NUP98: variants seen among roughly 807,000 people sequenced by gnomAD.
The protein encoded by NUP98 is nuclear pore complex protein Nup98-Nup96.
A neutral mutation model predicts 191.9 loss-of-function variants in NUP98; 26 were observed. That is an observed-to-expected ratio of 0.14 (90% confidence interval 0.10 to 0.19). The LOEUF (loss-of-function observed/expected upper bound fraction) is 0.19. Ranked by LOEUF, NUP98 falls within the 10% of genes least tolerant of loss-of-function variation. NUP98 has a pLI of 1.00. For synonymous variants in NUP98, 808 were observed against 778.4 expected (o/e 1.04, Z -0.63); for missense variants, 1,941 against 2,178.8 (o/e 0.89, Z 2.17).
intron 12 of NUP98, among the ~76,000 whole-genome samples, chr11:3,736,670 C>A (rs1334628810): frequency 2.0e-5 from 3 of 152,102 alleles, no homozygotes; most frequent in Admixed American, 6.5e-5. Flanking sequence ...GACACATCAA[C>A]ATAGGTTATG....
At chr11:3,757,668 G>A (rs1395026525) in intron 10 of NUP98, among the ~76,000 whole-genome samples, 1 of 151,568 alleles carries the variant, frequency 6.6e-6, no homozygotes, top group Non-Finnish European at 1.5e-5. Context: ...GCGTGGTGGT[G>A]CATGCCTGTA....
intron 28 of NUP98, among the ~76,000 whole-genome samples, chr11:3,686,758 C>T (rs11029026): frequency 0.5 from 75,263 of 151,848 alleles, 20,303 homozygotes; most frequent in Admixed American, 0.69. Context: ...CTGAGGTGGG[C>T]GGATCACTTG....
intron 4 of NUP98, among the ~76,000 whole-genome samples, chr11:3,778,198 C>CAAAAAAAAA (rs71302029): frequency 3.0e-4 from 18 of 60,426 alleles, no homozygotes; most frequent in Non-Finnish European, 3.9e-4. Flanking sequence ...GACTCCATCT[C>CAAAAAAAAA]AAAAAAAAAA....
chr11:3,743,096 G>A (rs937226059), intron 12 of NUP98, among the ~76,000 whole-genome samples: 1 of 151,728 alleles, frequency 6.6e-6, no homozygotes, highest in African/African-American at 2.4e-5. Context: ...TCGGCTCACT[G>A]TAACCTCCAC....
Position 3,676,253 on chromosome 11 carries a change from A to G in NUP98, c.5309T>C (p.Ile1770Thr). 2 of 1,614,200 alleles carry G rather than the reference A, an allele frequency of 1.2e-6. No individual in the cohort carries two copies. Among genetic ancestry groups the G allele is most frequent in the Non-Finnish European group, 1.7e-6 (2 of 1,180,032 alleles). ...RVPLRLLAPH[I>T]GRLPMPEDYA... ...GTCCTCAGGCATGGGAAGCCGGCCA[A>G]TGTGGGGAGCCAAGAGGCGCAAAGG... Residue 1770 changes from isoleucine to threonine, a missense_variant, in exon 33 of 33, where the codon ATT becomes ACT. Transcript: ENST00000324932.
intron 1 of NUP98, among the ~76,000 whole-genome samples, chr11:3,782,569 C>T (rs1255124299): frequency 1.6e-5 from 2 of 122,054 alleles, no homozygotes; most frequent in East Asian, 4.5e-4. Context: ...AAAAAGCTAA[C>T]ATTTTTTTTT....
At chr11:3,689,631 A>G (rs888991745) in intron 28 of NUP98, among the ~76,000 whole-genome samples, 2 of 151,574 alleles carry the variant, frequency 1.3e-5, no homozygotes, top group African/African-American at 4.8e-5. Flanking sequence ...CACCTAAACC[A>G]CTCTGCATTT....
chr11:3,727,161 G>C (rs1366882737), intron 14 of NUP98, among the ~76,000 whole-genome samples: 2 of 152,114 alleles, frequency 1.3e-5, no homozygotes, highest in African/African-American at 4.8e-5. Context: ...CCCAAACTGG[G>C]TAGGGACGCT....
At chr11:3,682,265 C>T (rs1376562937) in intron 30 of NUP98, among the ~76,000 whole-genome samples, 1 of 152,228 alleles carries the variant, frequency 6.6e-6, no homozygotes, top group Non-Finnish European at 1.5e-5. Context: ...TATATGTTCA[C>T]TGGAGTAGCA....
At chr11:3,729,166 G>A (rs949041779) in intron 14 of NUP98, among the ~76,000 whole-genome samples, 2 of 152,128 alleles carry the variant, frequency 1.3e-5, no homozygotes, top group Non-Finnish European at 2.9e-5. Flanking sequence ...TCAGACTACA[G>A]ATGATATTTA....
Position 3,683,422 on chromosome 11 carries a change from G to C in NUP98, c.4696C>G (p.Arg1566Gly). 2.5e-6 allele frequency: 4 copies of C among 1,614,050 alleles called. No individual in the cohort carries two copies. The highest frequency in any genetic ancestry group is 3.4e-6 in the Non-Finnish European group (4 of 1,180,006). Reference protein sequence around the residue: ...DNSGIREKAVRELLTRHCQLL... With the variant: ...DNSGIREKAVGELLTRHCQLL... ...TGGCAGTGCCGGGTAAGCAGCTCTC[G>C]AACAGCCTTCTCACGTATGCTACAG... Residue 1566 changes from arginine to glycine, a missense_variant, in exon 30 of 33, where the codon CGA becomes GGA. Physicochemically the swap from Arg to Gly is moderately radical, Grantham distance 125 (BLOSUM62 -2). Around this residue, in one of 6 missense-constraint regions of NUP98, gnomAD observed 1,030 missense variants for 1,115.8 expected, o/e 0.92. Coordinates refer to ENST00000324932, the MANE Select transcript of NUP98 (RefSeq NM_016320.5).
chr11:3,719,954 T>C (rs781288029), intron 17 of NUP98, among the ~76,000 whole-genome samples: 4 of 151,980 alleles, frequency 2.6e-5, no homozygotes, highest in Non-Finnish European at 5.9e-5. Flanking sequence ...AAAGGTGAGG[T>C]CTCACTATGT....
intron 8 of NUP98, among the ~76,000 whole-genome samples, chr11:3,765,820 A>AT (rs34238718): frequency 2.0e-5 from 3 of 151,612 alleles, no homozygotes; most frequent in African/African-American, 7.3e-5. Context: ...AAAAAAAAAA[A>AT]TTGATCAATT....
chr11:3,751,306 C>G lies in NUP98; in HGVS notation c.1267+2010G>C, dbSNP rs549216020. 5.9e-5 allele frequency among the ~76,000 whole-genome samples: 9 copies of G among 152,148 alleles called. No individual in the cohort carries two copies. In the East Asian group the frequency reaches 1.5e-3, roughly 26 times the overall value. On this transcript the variant is annotated intron_variant, in intron 11 of 32. Coordinates refer to ENST00000324932, the MANE Select transcript of NUP98 (RefSeq NM_016320.5). ...CCAGGAGGCGGAGGCTGCGGTGAGC[C>G]GAGATTGTGCCATTGCACTCCAGCC... is the stretch of plus-strand genomic sequence containing the variant.
intron 13 of NUP98, among the ~76,000 whole-genome samples, chr11:3,732,535 G>C (rs1034079177): frequency 9.9e-5 from 15 of 151,736 alleles, no homozygotes; most frequent in African/African-American, 2.9e-4. Flanking sequence ...AGTTGCTCTG[G>C]GGAAAAAAAA....
At chr11:3,729,929 C>T (rs950003143) in intron 14 of NUP98, among the ~76,000 whole-genome samples, 9 of 152,024 alleles carry the variant, frequency 5.9e-5, no homozygotes, top group East Asian at 1.9e-4. Context: ...ACCTACTCTG[C>T]GCAAAAACAG....
intron 31 of NUP98, among the ~76,000 whole-genome samples, chr11:3,678,852 A>G (rs2077898543): frequency 6.6e-6 from 1 of 152,084 alleles, no homozygotes; most frequent in Non-Finnish European, 1.5e-5. Context: ...GGCGTGCGGT[A>G]AGCTCATGCC....
At position 3,705,211 on chromosome 11, in the gene NUP98, G is replaced by A; in HGVS notation, c.3071C>T (p.Thr1024Ile). 6.2e-7 allele frequency: 1 copy of A among 1,614,138 alleles called. No individual in the cohort carries two copies. The highest frequency in any genetic ancestry group is 1.1e-5 in the South Asian group (1 of 91,084). Reference protein sequence around the residue: ...LPISASHSSKTRSLVGGLLQS... With the variant: ...LPISASHSSKIRSLVGGLLQS... ...CTTTTATACTGTACCTAGTGAACGA[G>A]TTTTCGACGAGTGGGATGCTGAAAT... Residue 1024 changes from threonine to isoleucine, a missense_variant, in exon 22 of 33, where the codon ACT becomes ATT. Around this residue, in one of 6 missense-constraint regions of NUP98, gnomAD observed 1,030 missense variants for 1,115.8 expected, o/e 0.92. Coordinates refer to ENST00000324932, the MANE Select transcript of NUP98 (RefSeq NM_016320.5).
chr11:3,780,559 A>ACC (rs1564922887), intron 2 of NUP98, among the ~76,000 whole-genome samples: 1 of 140,172 alleles, frequency 7.1e-6, no homozygotes, highest in Non-Finnish European at 1.5e-5. Context: ...AAAAAAAAAA[A>ACC]AAAGAAAAAG....
Sources: allele counts gnomAD v4.1 joint callset (sites outside exome capture counted in the v4.1 genomes callset), GRCh38; gene constraint gnomAD v4.1.1; regional missense constraint gnomAD v4.1.1; transcripts MANE v1.5; gene names NCBI Gene and HGNC (gene_info 2026-07-23, HGNC 2026-07-21).